The following RABGAP1L variants were observed in gnomAD, a reference collection of about 807,000 sequenced individuals.
RABGAP1L encodes the protein rab GTPase-activating protein 1-like.
RABGAP1L carries 63 observed loss-of-function variants against 137.7 expected under a neutral mutation model. The observed-to-expected ratio is 0.46, with a 90% CI of 0.37 to 0.56. The LOEUF is 0.56. Ranked by LOEUF, RABGAP1L falls within the 20% of genes least tolerant of loss-of-function variation. RABGAP1L has a pLI of 0.00. For missense variants in RABGAP1L, 1,095 were observed against 1,244.0 expected, an observed-to-expected ratio of 0.88 and a Z score of 1.80; for synonymous variants, 431 against 433.7, an observed-to-expected ratio of 0.99 and a Z score of 0.08.
intron 11 of RABGAP1L, among the ~76,000 whole-genome samples, chr1:174,350,906 C>G (rs1420877538): frequency 9.1e-6 from 1 of 109,988 alleles, no homozygotes; most frequent in African/African-American, 3.5e-5. Flanking sequence ...CCGGCCAACA[C>G]AGCGAAACCC....
At chr1:174,665,220 A>G (rs985929280) in intron 14 of RABGAP1L, among the ~76,000 whole-genome samples, 1 of 152,144 alleles carries the variant, frequency 6.6e-6, no homozygotes, top group Non-Finnish European at 1.5e-5. Context: ...CTGGAGCTGG[A>G]CTGCCAGAGT....
intron 19 of RABGAP1L, among the ~76,000 whole-genome samples, chr1:174,921,306 T>G (rs1661755836): frequency 6.6e-6 from 1 of 152,212 alleles, no homozygotes; most frequent in Admixed American, 6.5e-5. Flanking sequence ...ACCTGGGTTT[T>G]GTTTTGTTTT....
intron 13 of RABGAP1L, among the ~76,000 whole-genome samples, chr1:174,621,698 T>C (rs992694388): frequency 1.3e-5 from 2 of 152,052 alleles, no homozygotes; most frequent in African/African-American, 2.4e-5. Flanking sequence ...ATACAAAAAT[T>C]AATTCAAGAT....
chr1:174,742,344 C>T (rs953873795), intron 17 of RABGAP1L, among the ~76,000 whole-genome samples: 1 of 151,822 alleles, frequency 6.6e-6, no homozygotes, highest in African/African-American at 2.4e-5. Context: ...GTGGTGAAAC[C>T]CATCTCTACT....
chr1:174,322,033 A>G (rs539241441), intron 11 of RABGAP1L, among the ~76,000 whole-genome samples: 2 of 152,016 alleles, frequency 1.3e-5, no homozygotes, highest in South Asian at 2.1e-4. Context: ...TCATTCTGTA[A>G]TTTGTTTTCA....
At chr1:174,774,972 C>T (rs1292485938) in intron 18 of RABGAP1L, among the ~76,000 whole-genome samples, 1 of 152,130 alleles carries the variant, frequency 6.6e-6, no homozygotes, top group East Asian at 1.9e-4. Context: ...TGACTGGCCC[C>T]AAAAGGCAGA....
Position 174,370,981 on chromosome 1 carries a change from A to G in RABGAP1L, c.1468A>G (p.Ser490Gly). The G allele has an allele frequency of 6.8e-7, 1 of 1,467,752 alleles. No homozygotes were observed. The highest frequency in any genetic ancestry group is 9.2e-7 in the Non-Finnish European group (1 of 1,084,656). The allele number at this position is 1,467,752 out of a possible 1,614,324, so 90.9% of individuals were successfully genotyped here. A position where few individuals can be genotyped will look rare whatever the true frequency, so the allele number is the denominator to read the frequency against. Residue 490 changes from serine to glycine, a missense_variant and splice_region_variant, in exon 12 of 26, where the codon AGT becomes GGT. By Grantham distance (56) the Ser-to-Gly change is moderately conservative. Coordinates refer to ENST00000681986, the MANE Select transcript of RABGAP1L (RefSeq NM_001366446.1). ...TGGTTTTTGCGTTTCTTCTGCAGAG[A>G]GTGATAATGAACTCTCAAGTGGAAC... ...SPQDDEAEEE[S>G]DNELSSGTGD... is the part of the protein sequence containing the mutation.
chr1:174,288,711 A>G (rs181005850), intron 10 of RABGAP1L, among the ~76,000 whole-genome samples: 22 of 152,176 alleles, frequency 1.4e-4, no homozygotes, highest in East Asian at 9.7e-4. Context: ...TTGGAAATCT[A>G]TGGGTCTCAT....
chr1:174,944,518 T>C (rs545983253), intron 19 of RABGAP1L, among the ~76,000 whole-genome samples: 40 of 151,380 alleles, frequency 2.6e-4, no homozygotes, highest in South Asian at 1.0e-3. Flanking sequence ...ACACCTGTGG[T>C]CCCAACTACT....
At chr1:174,547,755 G>A in intron 13 of RABGAP1L, 1 of 1,175,582 alleles carries the variant, frequency 8.5e-7, no homozygotes. Context: ...CATTGTATTT[G>A]TATTTAAATT....
At chr1:174,951,770 C>T (rs761381951) in intron 19 of RABGAP1L, among the ~76,000 whole-genome samples, 2 of 152,118 alleles carry the variant, frequency 1.3e-5, no homozygotes, top group Non-Finnish European at 2.9e-5. Flanking sequence ...CATAAATGGG[C>T]CCAGGGATGC....
intron 17 of RABGAP1L, among the ~76,000 whole-genome samples, chr1:174,708,719 G>A (rs1553238390): frequency 1.3e-5 from 2 of 152,178 alleles, no homozygotes; most frequent in Non-Finnish European, 1.5e-5. Flanking sequence ...CTGGGCAGTC[G>A]TTTGGGCAGA....
In RABGAP1L at chr1:174,444,296, A is replaced by G. The variant is rs1385893815; in HGVS notation, c.1710+50151A>G. ...CCTTTTAACAATATTAATTCTTCCA[A>G]TCCATGAACATGGCATATCTTTTTA... On this transcript the variant is annotated intron_variant, in intron 13 of 25. Coordinates refer to ENST00000681986, the MANE Select transcript of RABGAP1L (RefSeq NM_001366446.1). 5.3e-5 allele frequency among the ~76,000 whole-genome samples: 8 copies of G among 151,996 alleles called. No homozygotes were observed. The East Asian group carries it at 1.2e-3, about 22-fold the overall frequency.
At chr1:174,388,530 T>G (rs1003643081) in intron 12 of RABGAP1L, among the ~76,000 whole-genome samples, 14 of 151,932 alleles carry the variant, frequency 9.2e-5, no homozygotes, top group Non-Finnish European at 1.5e-4. Flanking sequence ...ATAGGAGAAC[T>G]TGTAAAAACA....
intron 13 of RABGAP1L, among the ~76,000 whole-genome samples, chr1:174,457,214 A>G (rs1030520054): frequency 6.6e-6 from 1 of 152,196 alleles, no homozygotes; most frequent in Non-Finnish European, 1.5e-5. Context: ...ACCACAGGAT[A>G]TTTGAGAAGT....
intron 13 of RABGAP1L, among the ~76,000 whole-genome samples, chr1:174,514,598 C>T (rs1177942245): frequency 6.6e-6 from 1 of 152,196 alleles, no homozygotes; most frequent in Non-Finnish European, 1.5e-5. Flanking sequence ...GCCAAAATTA[C>T]AGTCCCAGGA....
rs1250967344 is a variant in RABGAP1L, at chr1:174,836,563, ATAG to A, written c.2340+24607_2340+24609del. ...TATGTTTTCTTCCTTTGTACATCTG[ATAG>A]TAGATTTCATAGTATCTCTTGAGGT... On this transcript the variant is annotated intron_variant, in intron 19 of 25. Coordinates refer to ENST00000681986, the MANE Select transcript of RABGAP1L (RefSeq NM_001366446.1). Among the ~76,000 whole-genome samples, 7 of 152,334 alleles carry A rather than the reference ATAG, an allele frequency of 4.6e-5. No homozygotes were observed. In the East Asian group the frequency reaches 1.3e-3, roughly 29 times the overall value.
At chr1:174,611,762 G>T (rs562544556) in intron 13 of RABGAP1L, among the ~76,000 whole-genome samples, 1 of 152,006 alleles carries the variant, frequency 6.6e-6, no homozygotes, top group African/African-American at 2.4e-5. Context: ...TCCTTGAAGA[G>T]GTCCTTCACG....
At chr1:174,327,984 CACATATAT>C (rs1177356990) in intron 11 of RABGAP1L, among the ~76,000 whole-genome samples, 2,172 of 37,792 alleles carry the variant, frequency 0.057, 65 homozygotes, top group East Asian at 0.12. Context: ...TATATACACA[CACATATAT>C]ATATATATAT....
Sources: gnomAD v4.1 joint callset for allele counts (sites outside exome capture counted in the v4.1 genomes callset) on GRCh38, gnomAD v4.1.1 for gene constraint, MANE v1.5 for transcripts, NCBI Gene and HGNC (gene_info 2026-07-23, HGNC 2026-07-21) for gene names.